The following MYO9B variants were observed in gnomAD, a reference collection of about 807,000 sequenced individuals.
The protein encoded by MYO9B is unconventional myosin-IXb.
Under a neutral mutation model 229.5 loss-of-function variants are expected in MYO9B, and 71 were observed. The ratio of observed to expected loss-of-function variants is 0.31; its 90% CI spans 0.26 to 0.38. The LOEUF is 0.38. MYO9B is among the 10% of genes least tolerant of loss of function. MYO9B has a pLI of 1.00. For missense variants in MYO9B, 2,255 were observed against 2,920.5 expected (o/e 0.77, Z 5.25); for synonymous variants, 1,185 against 1,235.8 (o/e 0.96, Z 0.86).
At chr19:17,093,467 T>C (rs1462393464) in intron 1 of MYO9B, among the ~76,000 whole-genome samples, 1 of 152,176 alleles carries the variant, frequency 6.6e-6, no homozygotes, top group South Asian at 2.1e-4. Context: ...TGATTAACTC[T>C]CGTGGCGTCC....
chr19:17,161,085 C>T (rs907610573), intron 8 of MYO9B, among the ~76,000 whole-genome samples: 49 of 152,052 alleles, frequency 3.2e-4, no homozygotes, highest in African/African-American at 1.1e-3. Context: ...CAGGCGTGAG[C>T]CACCACGTCC....
intron 24 of MYO9B, among the ~76,000 whole-genome samples, chr19:17,199,162 C>A (rs1208255362): frequency 6.6e-6 from 1 of 152,084 alleles, no homozygotes; most frequent in Admixed American, 6.6e-5. Flanking sequence ...GTGATCATAC[C>A]ACTGCACTCC....
intron 2 of MYO9B, among the ~76,000 whole-genome samples, chr19:17,120,196 C>T (rs2057948922): frequency 6.6e-6 from 1 of 152,208 alleles, no homozygotes; most frequent in South Asian, 2.1e-4. Context: ...TCCCTCTGGG[C>T]TCAGGGCAGT....
At chr19:17,169,372 A>C (rs1219367804) in intron 11 of MYO9B, among the ~76,000 whole-genome samples, 3 of 17,084 alleles carry the variant, frequency 1.8e-4, no homozygotes, top group African/African-American at 9.1e-4. Context: ...ACTCTGTCTC[A>C]AAAAAAAAAA....
At chr19:17,154,668 TG>T (rs972802902) in intron 6 of MYO9B, among the ~76,000 whole-genome samples, 5 of 152,122 alleles carry the variant, frequency 3.3e-5, no homozygotes, top group African/African-American at 1.2e-4. Context: ...CCCTTAAAAA[TG>T]GTTTAGCCAG....
At chr19:17,206,910 T>A (rs911142035) in intron 34 of MYO9B, 126 bp downstream of exon 34, 2 of 1,207,088 alleles carry the variant, frequency 1.7e-6, no homozygotes, top group East Asian at 5.1e-5. Context: ...AGACCACTGT[T>A]GGGGGTTCTG....
intron 31 of MYO9B, 127 bp from the exon 32 acceptor site, chr19:17,205,833 A>T (rs1430139736): frequency 1.1e-6 from 1 of 907,258 alleles, no homozygotes; most frequent in Non-Finnish European, 1.6e-6. Context: ...AGAAGGAGAC[A>T]GGGAGGGACA....
chr19:17,119,462 G>A (rs1167923663), intron 2 of MYO9B, among the ~76,000 whole-genome samples: 1 of 152,192 alleles, frequency 6.6e-6, no homozygotes, highest in African/African-American at 2.4e-5. Context: ...CACTGAGGCA[G>A]CAGGGAGGCC....
intron 30 of MYO9B, 115 bp from the exon 31 acceptor site, chr19:17,205,148 C>G: frequency 1.5e-6 from 1 of 652,926 alleles, no homozygotes; most frequent in South Asian, 1.9e-5. Context: ...GAGACTCCAT[C>G]TCAAAAAAAA....
chr19:17,207,326 A>C, intron 35 of MYO9B, 82 bp downstream of exon 35: 1 of 1,514,620 alleles, frequency 6.6e-7, no homozygotes, highest in Non-Finnish European at 8.9e-7. Context: ...TCCCTGTGTA[A>C]ATAAATGTGT....
intron 4 of MYO9B, among the ~76,000 whole-genome samples, chr19:17,153,385 A>T (rs546235271): frequency 1.5e-4 from 11 of 72,838 alleles, no homozygotes; most frequent in East Asian, 9.4e-4. Context: ...TGTCTCTTTT[A>T]AAAAAAAAAA....
chr19:17,175,279 TA>T (rs568328254), intron 13 of MYO9B, among the ~76,000 whole-genome samples: 533 of 129,102 alleles, frequency 4.1e-3, no homozygotes, highest in African/African-American at 5.0e-3. Flanking sequence ...GGTAAAAAAT[TA>T]AAAAAAAAAA....
intron 29 of MYO9B, 88 bp from the exon 30 acceptor site, chr19:17,203,059 C>A: frequency 1.4e-6 from 2 of 1,380,318 alleles, no homozygotes; most frequent in South Asian, 2.6e-5. Context: ...ATAAGTCACC[C>A]CTGAGATCCC....
intron 10 of MYO9B, 75 bp from the exon 11 acceptor site, chr19:17,167,868 G>C: frequency 1.3e-6 from 2 of 1,515,214 alleles, no homozygotes; most frequent in South Asian, 2.4e-5. Flanking sequence ...TACTCGACCT[G>C]TATGCAATAT....
chr19:17,187,233 C>T (rs1395951970), intron 18 of MYO9B, among the ~76,000 whole-genome samples: 1 of 152,212 alleles, frequency 6.6e-6, no homozygotes, highest in Admixed American at 6.5e-5. Flanking sequence ...TGTTCTCTGC[C>T]TGTTCCCTCC....
rs564669401 is a variant in MYO9B at position 17,096,047 on chromosome 19, C to T, written c.-58-5613C>T. ...TCGGCCTCCCAAAATGCTGGGATTA[C>T]AGGCATAAGCCACCGCACTGGCCTT... is the stretch of plus-strand genomic sequence containing the variant. On this transcript the variant is annotated intron_variant, in intron 1 of 39. Transcript: ENST00000682292. Among the ~76,000 whole-genome samples, 9 of 150,958 alleles carry T rather than the reference C, an allele frequency of 6.0e-5. No homozygotes were observed. The South Asian group carries it at 1.9e-3, about 31-fold the overall frequency.
chr19:17,156,917 C>T lies in MYO9B; in HGVS notation c.1208C>T (p.Ala403Val), dbSNP rs866929799. The T allele has an allele frequency of 6.2e-7, 1 of 1,610,164 alleles. No homozygotes were observed. Among genetic ancestry groups the T allele is most frequent in the Non-Finnish European group, 8.5e-7 (1 of 1,178,736 alleles). Residue 403 changes from alanine (A) to valine (V), a missense_variant, in exon 7 of 40, where the codon GCC becomes GTC. Physicochemically the swap from Ala to Val is moderately conservative, Grantham distance 64 (BLOSUM62 0). Transcript: ENST00000682292. ...FLPATKKQIFAVLSAILYLGN... is the reference protein window; with the variant it reads ...FLPATKKQIFVVLSAILYLGN... Reference sequence around the variant, plus strand: ...TGCCTTTTCTTTCCCAGGATTTTTGCCGTCCTCTCGGCCATCCTGTACCTG... The same window carrying T: ...TGCCTTTTCTTTCCCAGGATTTTTGTCGTCCTCTCGGCCATCCTGTACCTG...
intron 1 of MYO9B, among the ~76,000 whole-genome samples, chr19:17,078,256 G>A (rs1204225419): frequency 5.9e-5 from 9 of 152,210 alleles, no homozygotes; most frequent in Admixed American, 5.9e-4. Context: ...CAGAAAGAAT[G>A]GAGTTCAAGC....
At chr19:17,175,221 G>A (rs74524192) in intron 13 of MYO9B, among the ~76,000 whole-genome samples, 10,076 of 150,146 alleles carry the variant, frequency 0.067, 442 homozygotes, top group Non-Finnish European at 0.098. Context: ...TACACGAGCT[G>A]TGATCGCACC....
Sources: gnomAD v4.1 joint callset for allele counts (sites outside exome capture counted in the v4.1 genomes callset) on GRCh38, gnomAD v4.1.1 for gene constraint, MANE v1.5 for transcripts, NCBI Gene and HGNC (gene_info 2026-07-23, HGNC 2026-07-21) for gene names.